Variants in SLC4A9 observed in about 807,000 individuals in gnomAD.
SLC4A9 encodes the protein anion exchange protein 4.
In SLC4A9, 102 loss-of-function variants were observed where a neutral mutation model predicts 103.2. The ratio of observed to expected loss-of-function variants is 0.99; its 90% CI spans 0.84 to 1.17. SLC4A9 has a LOEUF of 1.17. Ranked by LOEUF, SLC4A9 falls within the 50% of genes most tolerant of loss-of-function variation. SLC4A9 has a pLI of 0.00. For missense variants in SLC4A9, 1,091 were observed against 1,193.7 expected, an observed-to-expected ratio of 0.91 and a Z score of 1.27; for synonymous variants, 453 against 483.6, an observed-to-expected ratio of 0.94 and a Z score of 0.83.
rs764257656 is a variant in SLC4A9, at chr5:140,367,849, G to A, written c.2305G>A (p.Glu769Lys). The A allele has an allele frequency of 7.4e-6, 12 of 1,614,014 alleles. No individual in the cohort carries two copies. In the South Asian group the frequency reaches 1.2e-4, roughly 16 times the overall value. Reference sequence around the variant, plus strand: ...GGCTCACATGGACAGTCTTCGGAGAGAGAGCAGAGCCTGTGCCCCCGGGGA... The same window carrying A: ...GGCTCACATGGACAGTCTTCGGAGAAAGAGCAGAGCCTGTGCCCCCGGGGA... Reference protein sequence around the residue: ...SLAHMDSLRRESRACAPGERP... With the variant: ...SLAHMDSLRRKSRACAPGERP... Residue 769 changes from glutamate (E) to lysine (K), a missense_variant, in exon 16 of 22, where the codon GAG (glutamate) becomes AAG (lysine). Transcript: ENST00000506757.
intron 2 of SLC4A9, 87 bp downstream of exon 2, chr5:140,361,059 G>C: frequency 7.4e-7 from 1 of 1,342,544 alleles, no homozygotes; most frequent in Non-Finnish European, 1.0e-6. Context: ...ATCTTCCAGA[G>C]CCCATCCCTA....
At chr5:140,362,586 G>A in intron 6 of SLC4A9, 54 bp downstream of exon 6, 1 of 1,511,452 alleles carries the variant, frequency 6.6e-7, no homozygotes, top group Non-Finnish European at 9.2e-7. Flanking sequence ...GCCTGTGTGT[G>A]TGTGCACACA....
At chr5:140,372,991 G>C in intron 21 of SLC4A9, 148 bp downstream of exon 21, 1 of 495,342 alleles carries the variant, frequency 2.0e-6, no homozygotes, top group Non-Finnish European at 3.5e-6. Flanking sequence ...GTGTAGAAGG[G>C]TCTCTTCCTA....
At position 140,364,494 on chromosome 5, in the gene SLC4A9, T is replaced by C. The variant is rs1269731910; in HGVS notation, c.1520T>C (p.Phe507Ser). 1.9e-6 allele frequency: 3 copies of C among 1,612,164 alleles called. No individual in the cohort carries two copies. The highest frequency in any genetic ancestry group is 2.2e-5 in the South Asian group (2 of 90,854). The change falls in exon 11 of 22, where the codon TTC (phenylalanine) becomes TCC (serine). Residue 507 changes from phenylalanine (F) to serine (S), a missense_variant. Physicochemically the swap from Phe to Ser is radical, Grantham distance 155. Transcript: ENST00000506757. ...RYFTRFTEEGFCALISLIFIY... is the reference protein window; with the variant it reads ...RYFTRFTEEGSCALISLIFIY... ...TTCACCCGCTTCACTGAGGAAGGTTTCTGTGCCCTCATCAGCCTCATCTTC... is the reference window on the plus strand; with the variant it reads ...TTCACCCGCTTCACTGAGGAAGGTTCCTGTGCCCTCATCAGCCTCATCTTC...
In SLC4A9 at chr5:140,365,848, C is replaced by A; in HGVS notation, c.1725C>A (p.Ile575=). The change falls in exon 13 of 22, where the codon ATC becomes ATA. Residue 575 remains isoleucine, a synonymous_variant. Coordinates refer to ENST00000506757, the MANE Select transcript of SLC4A9 (RefSeq NM_031467.3). ...DDIVSMDLGL[I]NASLLPPPEC... ...CCTGTGTACAGGACTTAGGCCTGATCAATGCATCCTTGCTGCCGCCACCTG... is the reference window on the plus strand; with the variant it reads ...CCTGTGTACAGGACTTAGGCCTGATAAATGCATCCTTGCTGCCGCCACCTG... The A allele has an allele frequency of 6.2e-7, 1 of 1,613,736 alleles. No homozygotes were observed.
rs751458919 is a variant in SLC4A9, at chr5:140,364,510, C to T, written c.1536C>T (p.Ser512=). The change falls in exon 11 of 22, where the codon AGC becomes AGT. Residue 512 remains serine, a synonymous_variant. Coordinates refer to ENST00000506757, the MANE Select transcript of SLC4A9 (RefSeq NM_031467.3). ...AGGAAGGTTTCTGTGCCCTCATCAGCCTCATCTTCATCTACGATGCTGTGG... is the reference window on the plus strand; with the variant it reads ...AGGAAGGTTTCTGTGCCCTCATCAGTCTCATCTTCATCTACGATGCTGTGG... ...FTEEGFCALI[S]LIFIYDAVGK... is the part of the protein sequence containing the mutation. 5.6e-6 allele frequency: 9 copies of T among 1,611,452 alleles called. No homozygotes were observed. The African/African-American group carries it at 9.3e-5, about 17-fold the overall frequency.
chr5:140,363,388 C>A lies in SLC4A9; in HGVS notation c.963-51C>A. The A allele has an allele frequency of 2.0e-6, 3 of 1,494,488 alleles. No individual in the cohort carries two copies. The South Asian group carries it at 3.6e-5, about 18-fold the overall frequency. The allele number at this position is 1,494,488 out of a possible 1,614,324, so 92.6% of individuals were successfully genotyped here. The stretch of plus-strand genomic sequence containing the variant: ...GGGCGCCACGAGCTCTGGACCGAGT[C>A]GCAGACTGGTTGGAGATCCTCAGCC... On this transcript the variant is annotated intron_variant, in intron 7 of 21. Coordinates refer to ENST00000506757, the MANE Select transcript of SLC4A9 (RefSeq NM_031467.3). The surrounding 1 kb of genome is among the most constrained non-coding windows in gnomAD (Gnocchi z 4.5).
Position 140,367,434 on chromosome 5 carries a change from G to T in SLC4A9, c.2028G>T (p.Gly676=), listed in dbSNP as rs1365275043. 3 of 1,611,848 alleles carry T rather than the reference G, an allele frequency of 1.9e-6. No individual in the cohort carries two copies. Among genetic ancestry groups the T allele is most frequent in the Non-Finnish European group, 2.5e-6 (3 of 1,179,230 alleles). The change falls in exon 15 of 22, where the codon GGG becomes GGT. Residue 676 remains glycine (G), a synonymous_variant. Transcript: ENST00000506757. ...VPREFKPTLP[G]RGWLVSPFGA... is the part of the protein sequence containing the mutation. The stretch of plus-strand genomic sequence containing the variant: ...CCCTCCTCCAGCCCACACTCCCTGG[G>T]CGTGGCTGGCTGGTGTCACCTTTTG...
intron 14 of SLC4A9, among the ~76,000 whole-genome samples, 179 bp downstream of exon 14, chr5:140,366,443 A>T (rs1767903104): frequency 6.6e-6 from 1 of 152,224 alleles, no homozygotes; most frequent in Admixed American, 6.5e-5. Context: ...GTACTGCAGC[A>T]GACACGTGAG....
intron 21 of SLC4A9, among the ~76,000 whole-genome samples, chr5:140,373,209 C>T (rs75441907): frequency 6.6e-6 from 1 of 152,044 alleles, no homozygotes; most frequent in Admixed American, 6.5e-5. Context: ...GAAGGCTCCC[C>T]CCTTAGGCTG....
In SLC4A9 at chr5:140,360,956, C is replaced by A; in HGVS notation, c.375C>A (p.Ser125Arg). 1 of 1,586,924 alleles carries A rather than the reference C, an allele frequency of 6.3e-7. No individual in the cohort carries two copies. Among genetic ancestry groups the A allele is most frequent in the Non-Finnish European group, 8.6e-7 (1 of 1,166,382 alleles). The change falls in exon 2 of 22, where the codon AGC (serine) becomes AGA (arginine). Residue 125 changes from serine (S) to arginine (R), a missense_variant. Physicochemically the swap from Ser to Arg is moderately radical, Grantham distance 110 (BLOSUM62 -1). Coordinates refer to ENST00000506757, the MANE Select transcript of SLC4A9 (RefSeq NM_031467.3). ...TACTGCTGGACTGCCCAGCTCAGAG[C>A]CTCCTGGAGCTCGTGGGTAGGCTGG... ...GLVLLDCPAQ[S>R]LLELVEQVTR...
chr5:140,374,550 CAAAAAAAAAAAA>C (rs70988749), intron 21 of SLC4A9, among the ~76,000 whole-genome samples: 1 of 47,658 alleles, frequency 2.1e-5, no homozygotes, highest in Non-Finnish European at 3.7e-5. Flanking sequence ...AACTCCCTCT[CAAAAAAAAAAAA>C]AAAAAAAAAA....
intron 16 of SLC4A9, 105 bp downstream of exon 16, chr5:140,368,003 C>A: frequency 1.6e-6 from 2 of 1,216,356 alleles, no homozygotes; most frequent in East Asian, 2.4e-5. Flanking sequence ...GCTGGTGTCC[C>A]ACAAGCATTG....
In SLC4A9 at chr5:140,363,088, A is replaced by C. The variant is rs1442992385; in HGVS notation, c.962+22A>C. 9.3e-6 allele frequency: 15 copies of C among 1,608,166 alleles called. No homozygotes were observed. Among genetic ancestry groups the C allele is most frequent in the Non-Finnish European group, 1.3e-5 (15 of 1,178,492 alleles). ...AAAGGTACCTGGGAGCCATCATCCC[A>C]TACAGATTCCTGCCCATATAGGCCC... On this transcript the variant is annotated intron_variant, in intron 7 of 21. Coordinates refer to ENST00000506757, the MANE Select transcript of SLC4A9 (RefSeq NM_031467.3). This position sits in a 1 kb window ranked among gnomAD's most constrained non-coding sequence, Gnocchi z 4.5.
At chr5:140,366,294 C>A in intron 14 of SLC4A9, 30 bp downstream of exon 14, 1 of 1,506,080 alleles carries the variant, frequency 6.6e-7, no homozygotes, top group South Asian at 1.2e-5. Flanking sequence ...GTTGGGGGAC[C>A]AGAGGGGAAA....
In SLC4A9 at chr5:140,364,384, G is replaced by T. The variant is rs1245917016; in HGVS notation, c.1410G>T (p.Leu470=). The T allele has an allele frequency of 1.2e-6, 2 of 1,612,982 alleles. No individual in the cohort carries two copies. Among genetic ancestry groups the T allele is most frequent in the Non-Finnish European group, 1.7e-6 (2 of 1,179,874 alleles). Residue 470 remains leucine (L), a synonymous_variant, in exon 11 of 22, where the codon CTG becomes CTT. Coordinates refer to ENST00000506757, the MANE Select transcript of SLC4A9 (RefSeq NM_031467.3). ...ACAGAGATTACAGCCTGGACTACCT[G>T]CCCTTCCGCCTATGGGTGGGCATCT... ...SFSRDYSLDY[L]PFRLWVGIWV... is the part of the protein sequence containing the mutation.
Position 140,368,642 on chromosome 5 carries a change from C to G in SLC4A9, c.2410C>G (p.Leu804Val). The change falls in exon 17 of 22, where the codon CTG (leucine) becomes GTG (valine). Residue 804 changes from leucine (L) to valine (V), a missense_variant. Transcript: ENST00000506757. Reference sequence around the variant, plus strand: ...CATCCTTACAGGAGCCTCCATCTTCCTGGCACCTGTGCTCAAGGTACCTTT... The same window carrying G: ...CATCCTTACAGGAGCCTCCATCTTCGTGGCACCTGTGCTCAAGGTACCTTT... Reference protein sequence around the residue: ...VFILTGASIFLAPVLKFIPMP... With the variant: ...VFILTGASIFVAPVLKFIPMP... The G allele has an allele frequency of 6.2e-7, 1 of 1,613,534 alleles. No homozygotes were observed. The highest frequency in any genetic ancestry group is 8.5e-7 in the Non-Finnish European group (1 of 1,179,702).
In SLC4A9 at chr5:140,360,924, G is replaced by C; in HGVS notation, c.343G>C (p.Gly115Arg). The change falls in exon 2 of 22, where the codon GGC becomes CGC. Residue 115 changes from glycine to arginine, a missense_variant. Transcript: ENST00000506757. ...LQKLRSLLAE[G>R]LVLLDCPAQS... is the part of the protein sequence containing the mutation. ...GAAGCTCCGCAGCCTGCTGGCCGAG[G>C]GCCTTGTACTGCTGGACTGCCCAGC... The C allele has an allele frequency of 6.2e-7, 1 of 1,602,102 alleles. No individual in the cohort carries two copies. Among genetic ancestry groups the C allele is most frequent in the Non-Finnish European group, 8.5e-7 (1 of 1,174,776 alleles).
chr5:140,371,514 C>T lies in SLC4A9; in HGVS notation c.2560C>T (p.Arg854Trp), dbSNP rs548399829. The change falls in exon 19 of 22, where the codon CGG becomes TGG. Residue 854 changes from arginine to tryptophan, a missense_variant. Physicochemically the swap from Arg to Trp is moderately radical, Grantham distance 101. Coordinates refer to ENST00000506757, the MANE Select transcript of SLC4A9 (RefSeq NM_031467.3). The stretch of plus-strand genomic sequence containing the variant: ...ACACCAGCCAGACCTGCTACTCTTG[C>T]GGCATGTGCCTCTGACCAGGGTCCA... ...AKHQPDLLLL[R>W]HVPLTRVHLF... 109 of 1,614,034 alleles carry T rather than the reference C, an allele frequency of 6.8e-5. 1 individual carries two copies. In the South Asian group the frequency reaches 8.5e-4, roughly 13 times the overall value.
Sources: allele counts gnomAD v4.1 joint callset (sites outside exome capture counted in the v4.1 genomes callset), GRCh38; gene constraint gnomAD v4.1.1; non-coding constraint Gnocchi (gnomAD v3.1); transcripts MANE v1.5; gene names NCBI Gene and HGNC (gene_info 2026-07-23, HGNC 2026-07-21).